Variants in ATRIP observed in about 807,000 individuals in gnomAD.
ATRIP encodes ATR-interacting protein.
A neutral mutation model predicts 78.1 loss-of-function variants in ATRIP; 44 were observed. The observed-to-expected ratio is 0.56, with a 90% CI of 0.44 to 0.72. The LOEUF (loss-of-function observed/expected upper bound fraction) is 0.72, where lower values mean the gene tolerates loss of function less well. ATRIP is among the 30% of genes least tolerant of loss of function. The pLI, the probability that ATRIP is intolerant of heterozygous loss-of-function variation, is 0.00. For synonymous variants in ATRIP, 388 were observed against 408.9 expected, an observed-to-expected ratio of 0.95 and a Z score of 0.62; for missense variants, 927 against 980.2, an observed-to-expected ratio of 0.95 and a Z score of 0.72.
In ATRIP at chr3:48,466,285, A is replaced by ACTGCCTGC. The variant is rs371036312; in HGVS notation, c.*744_*751dup. The ACTGCCTGC allele has an allele frequency of 6.0e-6, 4 of 668,030 alleles. No homozygotes were observed. The highest frequency in any genetic ancestry group is 3.5e-5 in the South Asian group (2 of 56,992). 41.4% of individuals were successfully genotyped at this position (668,030 alleles called of 1,614,324 possible). ...CGGGAGAGTGTGCAGCCGAGTCACT[A>ACTGCCTGC]CTGCCTGCCTGCCTGCCTGCTACGG... is the stretch of plus-strand genomic sequence containing the variant. On this transcript the variant is annotated 3_prime_UTR_variant, in exon 13 of 13. Coordinates refer to ENST00000320211, the MANE Select transcript of ATRIP (RefSeq NM_130384.3).
At chr3:48,455,354 A>G (rs763928634) in intron 4 of ATRIP, among the ~76,000 whole-genome samples, 1 of 152,224 alleles carries the variant, frequency 6.6e-6, no homozygotes, top group Non-Finnish European at 1.5e-5. Context: ...TGATCAGATC[A>G]GAGAGTTAAT....
intron 6 of ATRIP, 54 bp from the exon 7 acceptor site, chr3:48,459,733 C>T (rs1373753836): frequency 6.3e-6 from 10 of 1,591,500 alleles, no homozygotes; most frequent in South Asian, 3.4e-5. Flanking sequence ...TTCTGAAAGC[C>T]ACCGAAAAGA....
Position 48,464,047 on chromosome 3 carries a change from G to T in ATRIP, c.1889G>T (p.Cys630Phe), listed in dbSNP as rs2040196004. The part of the protein sequence containing the change: ...APQLCSHSEG[C>F]LLLLLYMYIT... Reference sequence around the variant, plus strand: ...GGTGCGCTGTCCTTTTCAGAAGGCTGCCTCCTGCTGCTGCTGTACATGTAC... The same window carrying T: ...GGTGCGCTGTCCTTTTCAGAAGGCTTCCTCCTGCTGCTGCTGTACATGTAC... Residue 630 changes from cysteine to phenylalanine, a missense_variant, in exon 10 of 13, where the codon TGC (cysteine) becomes TTC (phenylalanine). By Grantham distance (205) the Cys-to-Phe change is radical. Coordinates refer to ENST00000320211, the MANE Select transcript of ATRIP (RefSeq NM_130384.3). The T allele has an allele frequency of 6.2e-7, 1 of 1,613,436 alleles. No homozygotes were observed. The highest frequency in any genetic ancestry group is 1.3e-5 in the African/African-American group (1 of 74,910).
In ATRIP at chr3:48,466,733, C is replaced by T. The variant is rs770565869; in HGVS notation, c.*1179C>T. The T allele has an allele frequency of 6.2e-7, 1 of 1,614,062 alleles. No homozygotes were observed. The highest frequency in any genetic ancestry group is 2.2e-5 in the East Asian group (1 of 44,870). ...ACATGGAGGCCACTGGCTTGCCCTTCTCCCAGCCCAAGGTCACGGAGCTGT... is the reference window on the plus strand; with the variant it reads ...ACATGGAGGCCACTGGCTTGCCCTTTTCCCAGCCCAAGGTCACGGAGCTGT... On this transcript the variant is annotated 3_prime_UTR_variant, in exon 13 of 13. Coordinates refer to ENST00000320211, the MANE Select transcript of ATRIP (RefSeq NM_130384.3).
intron 8 of ATRIP, among the ~76,000 whole-genome samples, 153 bp from the exon 9 acceptor site, chr3:48,463,592 G>C (rs188256978): frequency 4.1e-4 from 63 of 152,216 alleles, no homozygotes; most frequent in Admixed American, 2.3e-3. Context: ...AGTAAGTAGG[G>C]GTCAGGCCAG....
chr3:48,462,114 G>A (rs1484168657), intron 8 of ATRIP, among the ~76,000 whole-genome samples: 4 of 151,920 alleles, frequency 2.6e-5, no homozygotes, highest in African/African-American at 9.7e-5. Flanking sequence ...GATCACTTGA[G>A]CCCAGGAGTT....
rs1254785128 is a variant in ATRIP, at chr3:48,466,588, T to TAA, written c.*1035_*1036dup. The TAA allele has an allele frequency of 1.2e-6, 2 of 1,613,938 alleles. No homozygotes were observed. The highest frequency in any genetic ancestry group is 2.2e-5 in the East Asian group (1 of 44,860). On this transcript the variant is annotated 3_prime_UTR_variant, in exon 13 of 13. Transcript: ENST00000320211. ...ACCCCACTCCCTCCCCTTCGGATCT[T>TAA]AACACTGGGCACTCACACACCCACC...
rs1235564621 is a variant in ATRIP at position 48,465,579 on chromosome 3, T to C, written c.*25T>C. ...AGGCCCTGAGTGTCCAGCCACATGGTGGCACCAGCACCACTCCTTTCCTTA... is the reference window on the plus strand; with the variant it reads ...AGGCCCTGAGTGTCCAGCCACATGGCGGCACCAGCACCACTCCTTTCCTTA... On this transcript the variant is annotated 3_prime_UTR_variant, in exon 13 of 13. Transcript: ENST00000320211. The C allele has an allele frequency of 4.4e-6, 7 of 1,592,316 alleles. No homozygotes were observed. Among genetic ancestry groups the C allele is most frequent in the Non-Finnish European group, 6.0e-6 (7 of 1,160,318 alleles).
In ATRIP at chr3:48,467,015, C is replaced by T. The variant is rs1436644080; in HGVS notation, c.*1461C>T. On this transcript the variant is annotated 3_prime_UTR_variant, in exon 13 of 13. Transcript: ENST00000320211. ...TGCGGCGCCAGCCACAGCCCTGGTG[C>T]CTGGTGGCACACAATGGTGACCGCT... 2 of 1,613,922 alleles carry T rather than the reference C, an allele frequency of 1.2e-6. No homozygotes were observed. Among genetic ancestry groups the T allele is most frequent in the African/African-American group, 2.7e-5 (2 of 75,070 alleles).
At chr3:48,465,109 C>G in intron 12 of ATRIP, 26 bp downstream of exon 12, 1 of 1,592,396 alleles carries the variant, frequency 6.3e-7, no homozygotes, top group Non-Finnish European at 8.6e-7. Flanking sequence ...GCCATCCTGC[C>G]CAGCCCCCAT....
rs903281557 is a variant in ATRIP, at chr3:48,457,321, C to A, written c.734C>A (p.Thr245Lys). ...PEACSPQFGK[T>K]SFPTKESFSA... ...GCATGTTCTCCACAATTTGGAAAAA[C>A]ATCTTTTCCTACAAAGGAGTCTTTT... The change falls in exon 5 of 13, where the codon ACA (threonine) becomes AAA (lysine). Residue 245 changes from threonine (T) to lysine (K), a missense_variant. Transcript: ENST00000320211. 6.2e-6 allele frequency: 10 copies of A among 1,606,668 alleles called. No individual in the cohort carries two copies. The highest frequency in any genetic ancestry group is 8.5e-6 in the Non-Finnish European group (10 of 1,176,966).
At chr3:48,447,834 CAG>C (rs2039721423) in intron 1 of ATRIP, among the ~76,000 whole-genome samples, 1 of 152,180 alleles carries the variant, frequency 6.6e-6, no homozygotes. Context: ...GAATGATGAC[CAG>C]ATGTTCCACA....
chr3:48,447,499 G>C, intron 1 of ATRIP: 1 of 993,096 alleles, frequency 1.0e-6, no homozygotes, highest in South Asian at 4.7e-5. Flanking sequence ...TGGGCAGTGT[G>C]AGCATGGGAG....
At chr3:48,461,701 GTTTGTT>G (rs1205067311) in intron 8 of ATRIP, among the ~76,000 whole-genome samples, 5 of 152,066 alleles carry the variant, frequency 3.3e-5, no homozygotes, top group South Asian at 2.1e-4. Context: ...TTGTTTATTT[GTTTGTT>G]TTTGTTTTTG....
At chr3:48,448,161 C>CTTTTTTTTTTT (rs34075060) in intron 1 of ATRIP, among the ~76,000 whole-genome samples, 1 of 116,766 alleles carries the variant, frequency 8.6e-6, no homozygotes, top group Non-Finnish European at 1.7e-5. Flanking sequence ...CGTGAACACC[C>CTTTTTTTTTTT]TTTTTTTTTT....
intron 1 of ATRIP, among the ~76,000 whole-genome samples, chr3:48,447,982 A>G (rs1163710915): frequency 6.6e-6 from 1 of 152,024 alleles, no homozygotes; most frequent in African/African-American, 2.4e-5. Flanking sequence ...TCCTATTCAC[A>G]TTGCTTCTAC....
chr3:48,456,784 T>A (rs1261546513), intron 4 of ATRIP, among the ~76,000 whole-genome samples: 2 of 151,752 alleles, frequency 1.3e-5, no homozygotes, highest in Admixed American at 6.6e-5. Flanking sequence ...CAAAAAAAAA[T>A]GTTTTGGTGG....
chr3:48,447,554 C>T (rs1419110962), intron 1 of ATRIP: 1 of 985,490 alleles, frequency 1.0e-6, no homozygotes, highest in Non-Finnish European at 1.2e-6. Context: ...TTCTTTTATA[C>T]AACCAGTAAA....
intron 10 of ATRIP, among the ~76,000 whole-genome samples, 157 bp from the exon 11 acceptor site, chr3:48,464,425 T>G (rs986125965): frequency 1.3e-5 from 2 of 152,232 alleles, no homozygotes; most frequent in Non-Finnish European, 2.9e-5. Flanking sequence ...GTGCTTGTCC[T>G]GGGTCTTCCC....
Sources: allele counts gnomAD v4.1 joint callset (sites outside exome capture counted in the v4.1 genomes callset), GRCh38; gene constraint gnomAD v4.1.1; transcripts MANE v1.5; gene names NCBI Gene and HGNC (gene_info 2026-07-23, HGNC 2026-07-21).